Variants in PTPRG observed in about 807,000 individuals in gnomAD.
PTPRG encodes receptor-type tyrosine-protein phosphatase gamma.
PTPRG carries 102 observed loss-of-function variants against 165.3 expected under a neutral mutation model. That is an observed-to-expected ratio of 0.62 (90% confidence interval 0.53 to 0.73). The LOEUF (loss-of-function observed/expected upper bound fraction) is 0.73. Among genes scored for constraint, PTPRG ranks in the 30% least tolerant of loss-of-function variants. PTPRG has a pLI of 0.00. For synonymous variants in PTPRG, 675 were observed against 669.5 expected (o/e 1.01, Z -0.13); for missense variants, 1,866 against 1,861.4 (o/e 1.00, Z -0.05).
At chr3:61,702,818 G>A (rs994010865) in intron 1 of PTPRG, among the ~76,000 whole-genome samples, 4 of 152,144 alleles carry the variant, frequency 2.6e-5, no homozygotes, top group Admixed American at 6.5e-5. Flanking sequence ...GATGTTGTGC[G>A]GTACTTACTC....
At position 61,905,894 on chromosome 3, in the gene PTPRG, A is replaced by C. The variant is rs534829335; in HGVS notation, c.191-83731A>C. 2.8e-3 allele frequency among the ~76,000 whole-genome samples: 429 copies of C among 152,306 alleles called. 2 individuals are homozygous for C. The highest frequency in any genetic ancestry group is 4.1e-3 in the Non-Finnish European group (279 of 68,026). The stretch of plus-strand genomic sequence containing the variant: ...ATAGACCATTCAGTATTTCATCACT[A>C]ATTTTACATGTATTATGTCTCCAGG... On this transcript the variant is annotated intron_variant, in intron 2 of 29. Coordinates refer to ENST00000474889, the MANE Select transcript of PTPRG (RefSeq NM_002841.4).
intron 1 of PTPRG, among the ~76,000 whole-genome samples, chr3:61,652,581 C>G (rs1186635551): frequency 2.2e-5 from 3 of 137,294 alleles, no homozygotes; most frequent in African/African-American, 8.3e-5. Context: ...CCTTGTTCCT[C>G]TAGTTACAAT....
chr3:62,021,290 C>A (rs1406757527), intron 4 of PTPRG, among the ~76,000 whole-genome samples: 1 of 152,144 alleles, frequency 6.6e-6, no homozygotes. Context: ...AACATCACAG[C>A]TACTTAGATC....
At chr3:61,702,645 C>T (rs1026415461) in intron 1 of PTPRG, among the ~76,000 whole-genome samples, 2 of 152,220 alleles carry the variant, frequency 1.3e-5, no homozygotes, top group Non-Finnish European at 2.9e-5. Flanking sequence ...AGATGGAATA[C>T]TTTCTAGCAT....
chr3:61,932,179 A>G (rs2039378019), intron 2 of PTPRG, among the ~76,000 whole-genome samples: 1 of 152,222 alleles, frequency 6.6e-6, no homozygotes, highest in Non-Finnish European at 1.5e-5. Flanking sequence ...GTGTGGGACC[A>G]ACTAGCTCCT....
intron 1 of PTPRG, among the ~76,000 whole-genome samples, chr3:61,618,362 T>G (rs994029568): frequency 6.6e-6 from 1 of 151,890 alleles, no homozygotes; most frequent in Non-Finnish European, 1.5e-5. Context: ...GAGAGGGGGG[T>G]GTGTGTGCCT....
chr3:62,000,268 G>C (rs947654237), intron 3 of PTPRG, among the ~76,000 whole-genome samples: 1 of 142,494 alleles, frequency 7.0e-6, no homozygotes, highest in South Asian at 2.2e-4. Flanking sequence ...GCAACAGAGC[G>C]AGACTCTGTC....
chr3:61,735,930 C>G (rs979082012), intron 1 of PTPRG, among the ~76,000 whole-genome samples: 2 of 144,200 alleles, frequency 1.4e-5, no homozygotes, highest in African/African-American at 5.2e-5. Context: ...TTTTTGGAGA[C>G]AGCATCTCGC....
chr3:61,833,067 T>TTGTGTGTGTGTGTGTGTGTGTGTGTG (rs113069211), intron 2 of PTPRG, among the ~76,000 whole-genome samples: 8 of 146,790 alleles, frequency 5.4e-5, no homozygotes, highest in African/African-American at 2.1e-4. Flanking sequence ...TAGTATTCCA[T>TTGTGTGTGTGTGTGTGTGTGTGTGTG]TGTGTGTGTG....
intron 1 of PTPRG, among the ~76,000 whole-genome samples, chr3:61,675,581 T>G (rs1028114312): frequency 6.6e-6 from 1 of 152,192 alleles, no homozygotes; most frequent in African/African-American, 2.4e-5. Context: ...TTTGGCTATC[T>G]TTTAATAACA....
At chr3:61,793,399 A>G (rs1426746209) in intron 2 of PTPRG, among the ~76,000 whole-genome samples, 1 of 152,096 alleles carries the variant, frequency 6.6e-6, no homozygotes, top group Non-Finnish European at 1.5e-5. Context: ...CTTCTTTTGG[A>G]TGTGTTTCTC....
intron 1 of PTPRG, among the ~76,000 whole-genome samples, chr3:61,709,699 G>A (rs76732142): frequency 5.3e-5 from 8 of 152,124 alleles, no homozygotes; most frequent in African/African-American, 9.7e-5. Context: ...CTATCTAGCC[G>A]TGTATGGAAA....
chr3:61,603,215 G>C (rs1182327234), intron 1 of PTPRG, among the ~76,000 whole-genome samples: 1 of 152,184 alleles, frequency 6.6e-6, no homozygotes, highest in African/African-American at 2.4e-5. Context: ...ATAAAGTTTG[G>C]ATGTTTGTCC....
In PTPRG at chr3:61,901,186, G is replaced by A. The variant is rs144317106; in HGVS notation, c.191-88439G>A. Among the ~76,000 whole-genome samples the A allele has an allele frequency of 4.6e-5, 7 of 152,252 alleles. No homozygotes were observed. The South Asian group carries it at 1.2e-3, about 27-fold the overall frequency. ...GCTACCAATAAACTTAATGGCTTAT[G>A]TTTTGTTGGGTTTTCTCTTAAGTTA... On this transcript the variant is annotated intron_variant, in intron 2 of 29. Transcript: ENST00000474889.
intron 12 of PTPRG, among the ~76,000 whole-genome samples, chr3:62,209,619 G>A (rs1485743209): frequency 6.6e-6 from 1 of 152,130 alleles, no homozygotes; most frequent in Non-Finnish European, 1.5e-5. Flanking sequence ...TTTCTTTCTA[G>A]AGAAATGTTT....
intron 1 of PTPRG, among the ~76,000 whole-genome samples, chr3:61,612,888 T>TGC (rs1701211218): frequency 7.1e-6 from 1 of 141,536 alleles, no homozygotes; most frequent in African/African-American, 2.6e-5. Context: ...TGTGTGTGTG[T>TGC]GCGCACTTGT....
chr3:62,285,328 G>C lies in PTPRG; in HGVS notation c.4055+2459G>C, dbSNP rs562018509. 6.6e-5 allele frequency among the ~76,000 whole-genome samples: 10 copies of C among 152,148 alleles called. No individual in the cohort carries two copies. The South Asian group carries it at 1.4e-3, about 22-fold the overall frequency. ...CTCATTTATTGTTCAAAGTCATTTTGGCTGCTTAAATTCTTCTTTTCAAAG... is the reference window on the plus strand; with the variant it reads ...CTCATTTATTGTTCAAAGTCATTTTCGCTGCTTAAATTCTTCTTTTCAAAG... On this transcript the variant is annotated intron_variant, in intron 28 of 29. Transcript: ENST00000474889.
intron 3 of PTPRG, among the ~76,000 whole-genome samples, chr3:62,001,371 A>G (rs2041168584): frequency 6.6e-6 from 1 of 152,224 alleles, no homozygotes. Context: ...GGTAAAATCA[A>G]ATATTTATAA....
At chr3:62,002,049 G>A (rs1262065124) in intron 3 of PTPRG, among the ~76,000 whole-genome samples, 1 of 152,198 alleles carries the variant, frequency 6.6e-6, no homozygotes, top group African/African-American at 2.4e-5. Flanking sequence ...TTAATTTGCT[G>A]TTCTACTAAT....
Sources: allele counts gnomAD v4.1 joint callset (sites outside exome capture counted in the v4.1 genomes callset), GRCh38; gene constraint gnomAD v4.1.1; transcripts MANE v1.5; gene names NCBI Gene and HGNC (gene_info 2026-07-23, HGNC 2026-07-21).